TTC17: variants seen among roughly 807,000 people sequenced by gnomAD.
The protein encoded by TTC17 is tetratricopeptide repeat domain 17, also known as tetratricopeptide repeat protein 17.
In TTC17, 58 loss-of-function variants were observed where a neutral mutation model predicts 143.8. That is an observed-to-expected ratio of 0.40 (90% CI 0.33 to 0.50). TTC17 has a LOEUF of 0.50. Among genes scored for constraint, TTC17 ranks in the 20% least tolerant of loss-of-function variants. The pLI is 0.49. For synonymous variants in TTC17, 501 were observed against 497.8 expected (o/e 1.01, Z -0.09); for missense variants, 1,273 against 1,392.5 (o/e 0.91, Z 1.37).
At chr11:43,465,204 A>G (rs1313727247) in intron 21 of TTC17, among the ~76,000 whole-genome samples, 1 of 152,222 alleles carries the variant, frequency 6.6e-6, no homozygotes, top group Non-Finnish European at 1.5e-5. Context: ...TCAGTCAGCT[A>G]TTGAATTAAG....
At chr11:43,425,199 G>A (rs1393126137) in intron 16 of TTC17, among the ~76,000 whole-genome samples, 1 of 152,132 alleles carries the variant, frequency 6.6e-6, no homozygotes, top group Non-Finnish European at 1.5e-5. Flanking sequence ...GTGCATGGTA[G>A]TCCCAGCTAC....
chr11:43,462,045 A>AT (rs1160177333), intron 21 of TTC17, among the ~76,000 whole-genome samples: 1 of 147,450 alleles, frequency 6.8e-6, no homozygotes, highest in Non-Finnish European at 1.5e-5. Flanking sequence ...CAGTAGTTAC[A>AT]TGGAGGAAGA....
chr11:43,430,709 G>GCACGCACACACACACA (rs1554994151), intron 16 of TTC17, among the ~76,000 whole-genome samples: 1 of 138,448 alleles, frequency 7.2e-6, no homozygotes, highest in Non-Finnish European at 1.5e-5. Flanking sequence ...CTACATACAC[G>GCACGCACACACACACA]CACACACACA....
At chr11:43,387,732 G>T (rs1857221382) in intron 2 of TTC17, among the ~76,000 whole-genome samples, 1 of 151,448 alleles carries the variant, frequency 6.6e-6, no homozygotes, top group South Asian at 2.1e-4. Context: ...CTATAAAAGG[G>T]TCACATGGGA....
rs747530431 is a variant in TTC17, at chr11:43,398,036, G to A, written c.981G>A (p.Gly327=). The A allele has an allele frequency of 4.3e-6, 7 of 1,613,770 alleles. No homozygotes were observed. In the Admixed American group the frequency reaches 8.3e-5, roughly 19 times the overall value. ...ACCACGCTTTGCAGGCCAGACCTGGGTTTGAGCAAGCTATAAAGAGGAAGC... is the reference window on the plus strand; with the variant it reads ...ACCACGCTTTGCAGGCCAGACCTGGATTTGAGCAAGCTATAAAGAGGAAGC... The part of the protein sequence containing the change: ...CYDHALQARP[G]FEQAIKRKHA... Residue 327 remains glycine, a synonymous_variant, in exon 8 of 24, where the codon GGG becomes GGA. Coordinates refer to ENST00000039989, the MANE Select transcript of TTC17 (RefSeq NM_018259.6).
At chr11:43,368,091 T>C (rs1336764301) in intron 1 of TTC17, among the ~76,000 whole-genome samples, 1 of 152,172 alleles carries the variant, frequency 6.6e-6, no homozygotes, top group Non-Finnish European at 1.5e-5. Context: ...CAACACGTAT[T>C]CCTGGTTTTT....
At chr11:43,375,333 G>C (rs969486738) in intron 1 of TTC17, among the ~76,000 whole-genome samples, 2 of 152,006 alleles carry the variant, frequency 1.3e-5, no homozygotes, top group Admixed American at 6.6e-5. Flanking sequence ...GCCACAGGGG[G>C]GACTTATGGA....
intron 21 of TTC17, among the ~76,000 whole-genome samples, chr11:43,464,175 G>A (rs1947925945): frequency 1.3e-5 from 2 of 152,166 alleles, no homozygotes; most frequent in African/African-American, 4.8e-5. Flanking sequence ...GGGTACTCGG[G>A]AGGGTGGGGC....
intron 16 of TTC17, among the ~76,000 whole-genome samples, chr11:43,424,997 G>A (rs533381449): frequency 6.6e-6 from 1 of 152,290 alleles, no homozygotes; most frequent in East Asian, 1.9e-4. Flanking sequence ...CTGACTTCTT[G>A]TTATATACAC....
chr11:43,486,302 C>T (rs1315911128), intron 21 of TTC17: 5 of 278,724 alleles, frequency 1.8e-5, no homozygotes, highest in African/African-American at 1.1e-4. Context: ...AAACCACCTG[C>T]TGTTGGGCTC....
intron 5 of TTC17, among the ~76,000 whole-genome samples, chr11:43,392,214 C>T (rs1458456457): frequency 2.0e-5 from 3 of 151,988 alleles, no homozygotes; most frequent in African/African-American, 2.4e-5. Context: ...TAAGCAACAG[C>T]GTTTATAGGC....
At chr11:43,408,317 T>C (rs1042984936) in intron 15 of TTC17, among the ~76,000 whole-genome samples, 2 of 152,338 alleles carry the variant, frequency 1.3e-5, no homozygotes, top group East Asian at 1.9e-4. Context: ...AAAACTGATT[T>C]TTTAAGGATG....
At chr11:43,373,155 A>T (rs1375843310) in intron 1 of TTC17, among the ~76,000 whole-genome samples, 1 of 152,002 alleles carries the variant, frequency 6.6e-6, no homozygotes, top group Non-Finnish European at 1.5e-5. Context: ...GTTTGTTTTT[A>T]CAGTAAAATA....
chr11:43,479,051 C>G (rs1490180701), intron 21 of TTC17, among the ~76,000 whole-genome samples: 1 of 152,036 alleles, frequency 6.6e-6, no homozygotes, highest in Non-Finnish European at 1.5e-5. Flanking sequence ...CTAGCCTGGT[C>G]AACATGGTGA....
chr11:43,376,217 G>A (rs1856759881), intron 1 of TTC17, among the ~76,000 whole-genome samples: 2 of 152,040 alleles, frequency 1.3e-5, no homozygotes, highest in African/African-American at 4.8e-5. Flanking sequence ...TGCCTTATAT[G>A]GCTTGTCATT....
chr11:43,422,290 G>C (rs76473845), intron 16 of TTC17, among the ~76,000 whole-genome samples: 12,712 of 152,128 alleles, frequency 0.084, 882 homozygotes, highest in Admixed American at 0.23. Context: ...CAGATTTGGG[G>C]AGAAAAACAA....
chr11:43,405,850 A>G lies in TTC17; in HGVS notation c.1660A>G (p.Ile554Val), dbSNP rs138215339. 136 of 1,613,986 alleles carry G rather than the reference A, an allele frequency of 8.4e-5. No individual in the cohort carries two copies. The highest frequency in any genetic ancestry group is 9.9e-5 in the Non-Finnish European group (117 of 1,179,964). Reference sequence around the variant, plus strand: ...AGAGGCCCAAACCCCTGACTGTTCCATAACTGACTTCAGAAAAAGCCACAC... The same window carrying G: ...AGAGGCCCAAACCCCTGACTGTTCCGTAACTGACTTCAGAAAAAGCCACAC... ...EEEAQTPDCSITDFRKSHTLS... is the reference protein window; with the variant it reads ...EEEAQTPDCSVTDFRKSHTLS... Residue 554 changes from isoleucine to valine, a missense_variant, in exon 13 of 24, where the codon ATA becomes GTA. Physicochemically the swap from Ile to Val is conservative, Grantham distance 29 (BLOSUM62 3). Around this residue, in one of 3 missense-constraint regions of TTC17, gnomAD observed 878 missense variants for 899.8 expected, o/e 0.98. Coordinates refer to ENST00000039989, the MANE Select transcript of TTC17 (RefSeq NM_018259.6).
intron 15 of TTC17, among the ~76,000 whole-genome samples, chr11:43,412,853 G>C (rs968365502): frequency 3.3e-5 from 5 of 152,148 alleles, no homozygotes; most frequent in Non-Finnish European, 1.5e-5. Flanking sequence ...ATATTGTTCA[G>C]ATGTAAGATC....
chr11:43,376,672 A>G (rs1472283753), intron 1 of TTC17, among the ~76,000 whole-genome samples: 3 of 152,228 alleles, frequency 2.0e-5, no homozygotes, highest in South Asian at 2.1e-4. Context: ...TACACGTTGT[A>G]TATGACACAG....
Sources: gnomAD v4.1 joint callset for allele counts (sites outside exome capture counted in the v4.1 genomes callset) on GRCh38, gnomAD v4.1.1 for gene constraint, gnomAD v4.1.1 regional missense constraint, MANE v1.5 for transcripts, NCBI Gene and HGNC (gene_info 2026-07-23, HGNC 2026-07-21) for gene names.